The following CACNA1I variants were observed in gnomAD, a reference collection of about 807,000 sequenced individuals.
CACNA1I encodes the protein calcium voltage-gated channel subunit alpha1 I, also known as voltage-dependent T-type calcium channel subunit alpha-1I.
Under a neutral mutation model 201.6 loss-of-function variants are expected in CACNA1I, and 74 were observed. That is an observed-to-expected ratio of 0.37 (90% CI 0.30 to 0.45). CACNA1I has a LOEUF of 0.45. Ranked by LOEUF, CACNA1I falls within the 20% of genes least tolerant of loss-of-function variation. CACNA1I has a pLI of 1.00. For missense variants in CACNA1I, 2,346 were observed against 3,138.1 expected (o/e 0.75, Z 6.03); for synonymous variants, 1,431 against 1,345.2 (o/e 1.06, Z -1.40).
intron 29 of CACNA1I, among the ~76,000 whole-genome samples, chr22:39,675,904 C>T (rs572306650): frequency 3.3e-5 from 5 of 152,266 alleles, no homozygotes; most frequent in Admixed American, 3.3e-4. Flanking sequence ...TCCCTGGGGG[C>T]CAGGTCACAG....
chr22:39,624,204 G>A (rs140352722), intron 4 of CACNA1I, among the ~76,000 whole-genome samples: 99 of 152,142 alleles, frequency 6.5e-4, no homozygotes, highest in African/African-American at 2.3e-3. Flanking sequence ...CGCCTTGCAC[G>A]TGTGTGTGGG....
chr22:39,676,541 G>T lies in CACNA1I; in HGVS notation c.4855-800G>T, dbSNP rs1935518511. ...CTTATCCATAGCATGAGTTAAAGGT[G>T]GTCTCCAATGCATGGATAGATTTGA... On this transcript the variant is annotated intron_variant, in intron 29 of 36. Coordinates refer to ENST00000402142, the MANE Select transcript of CACNA1I (RefSeq NM_021096.4). This position sits in a 1 kb window ranked among gnomAD's most constrained non-coding sequence, Gnocchi z 4.8. Among the ~76,000 whole-genome samples, 1 of 152,198 alleles carries T rather than the reference G, an allele frequency of 6.6e-6. No homozygotes were observed. The highest frequency in any genetic ancestry group is 1.9e-4 in the East Asian group (1 of 5,196).
rs1156288604 is a variant in CACNA1I at position 39,676,247 on chromosome 22, G to A, written c.4855-1094G>A. On this transcript the variant is annotated intron_variant, in intron 29 of 36. Coordinates refer to ENST00000402142, the MANE Select transcript of CACNA1I (RefSeq NM_021096.4). The surrounding 1 kb of genome is among the most constrained non-coding windows in gnomAD (Gnocchi z 4.8). ...GCGACCACGCCAGATCCTTCTCAGC[G>A]GTCAGGGCCTTACAGTTGGCCTCAC... Among the ~76,000 whole-genome samples the A allele has an allele frequency of 3.3e-5, 5 of 152,346 alleles. No homozygotes were observed. The highest frequency in any genetic ancestry group is 3.9e-4 in the East Asian group (2 of 5,190).
chr22:39,665,390 G>T lies in CACNA1I; in HGVS notation c.3852-108G>T. 1 of 1,348,030 alleles carries T rather than the reference G, an allele frequency of 7.4e-7. No homozygotes were observed. The allele number at this position is 1,348,030 out of a possible 1,614,324, so 83.5% of individuals were successfully genotyped here. ...AGGGTGTTCAGCCCTGGTGAGCCCT[G>T]GGGACTCATGCCCTGGGATACTCAG... is the stretch of plus-strand genomic sequence containing the variant. On this transcript the variant is annotated intron_variant, in intron 21 of 36. Transcript: ENST00000402142. This position sits in a 1 kb window ranked among gnomAD's most constrained non-coding sequence, Gnocchi z 5.5.
chr22:39,684,304 C>T lies in CACNA1I; in HGVS notation c.5833C>T (p.Pro1945Ser), dbSNP rs760514353. ...TCTGTCTTCTCCTTTCCCAGCAGCA[C>T]CCCCAAGTCCCTTCTCCCCGGATGC... is the stretch of plus-strand genomic sequence containing the variant. ...SWLKHDSSQA[P>S]PSPFSPDASS... is the part of the protein sequence containing the mutation. The change falls in exon 36 of 37, where the codon CCC becomes TCC. Residue 1945 changes from proline (P) to serine (S), a missense_variant and splice_region_variant. Around this residue, in one of 13 missense-constraint regions of CACNA1I, gnomAD observed 441 missense variants for 555.6 expected, o/e 0.79. Coordinates refer to ENST00000402142, the MANE Select transcript of CACNA1I (RefSeq NM_021096.4). This position sits in a 1 kb window ranked among gnomAD's most constrained non-coding sequence, Gnocchi z 4.6. 2.5e-6 allele frequency: 4 copies of T among 1,613,226 alleles called. No homozygotes were observed. The highest frequency in any genetic ancestry group is 1.1e-5 in the South Asian group (1 of 90,922).
chr22:39,662,532 GGGGGCGTGGCC>G (rs987054062), intron 17 of CACNA1I, 97 bp downstream of exon 17: 97 of 974,258 alleles, frequency 1.0e-4, no homozygotes, highest in South Asian at 1.8e-4. Context: ...CGGGCCCACG[GGGGGCGTGGCC>G]GGGGCGTGGC....
chr22:39,591,450 C>T (rs1377250129), intron 1 of CACNA1I, among the ~76,000 whole-genome samples: 1 of 152,008 alleles, frequency 6.6e-6, no homozygotes, highest in Non-Finnish European at 1.5e-5. Flanking sequence ...ATGTGAGCCA[C>T]GGCACCCGGC....
chr22:39,674,298 G>C (rs1213817880), intron 29 of CACNA1I, among the ~76,000 whole-genome samples: 2 of 152,210 alleles, frequency 1.3e-5, no homozygotes, highest in East Asian at 3.8e-4. Flanking sequence ...GCCCTTGGTT[G>C]CCCCCAGGCT....
At chr22:39,598,038 G>A (rs1932929787) in intron 1 of CACNA1I, 113 bp from the exon 2 acceptor site, 1 of 664,412 alleles carries the variant, frequency 1.5e-6, no homozygotes, top group Non-Finnish European at 2.8e-6. Context: ...AGAAGAATGA[G>A]GAATGGGGTG....
chr22:39,655,130 G>T (rs552436247), intron 10 of CACNA1I, among the ~76,000 whole-genome samples: 20 of 152,178 alleles, frequency 1.3e-4, no homozygotes, highest in Non-Finnish European at 2.1e-4. Flanking sequence ...CTGTAAAATG[G>T]TGATAATACA....
Position 39,679,715 on chromosome 22 carries a change from C to T in CACNA1I, c.5395-7C>T, listed in dbSNP as rs771729075. 20 of 1,608,296 alleles carry T rather than the reference C, an allele frequency of 1.2e-5. No individual in the cohort carries two copies. The highest frequency in any genetic ancestry group is 4.0e-5 in the African/African-American group (3 of 74,826). Reference sequence around the variant, plus strand: ...CGCCTGTCCCCACCCCGTCCCCGTCCGCCTAGGAGAACCTGTGGCTGGACA... The same window carrying T: ...CGCCTGTCCCCACCCCGTCCCCGTCTGCCTAGGAGAACCTGTGGCTGGACA... On this transcript the variant is annotated splice_polypyrimidine_tract_variant and splice_region_variant and intron_variant, in intron 32 of 36. Transcript: ENST00000402142.
chr22:39,592,320 G>A (rs1387936591), intron 1 of CACNA1I, among the ~76,000 whole-genome samples: 5 of 152,212 alleles, frequency 3.3e-5, no homozygotes, highest in African/African-American at 4.8e-5. Context: ...GTGGGGAAAC[G>A]CGGAGGGTTT....
In CACNA1I at chr22:39,679,386, G is replaced by T. The variant is rs1337849960; in HGVS notation, c.5335G>T (p.Ala1779Ser). 8.0e-6 allele frequency: 12 copies of T among 1,498,648 alleles called. No homozygotes were observed. The highest frequency in any genetic ancestry group is 2.6e-5 in the East Asian group (1 of 38,926). The allele number at this position is 1,498,648 out of a possible 1,614,324, so 92.8% of individuals were successfully genotyped here. The change falls in exon 32 of 37, where the codon GCG becomes TCG. Residue 1779 changes from alanine to serine, a missense_variant. Physicochemically the swap from Ala to Ser is moderately conservative, Grantham distance 99 (BLOSUM62 1). Coordinates refer to ENST00000402142, the MANE Select transcript of CACNA1I (RefSeq NM_021096.4). ...CGCCCCTGGCCGAGGGCCGGGAGGG[G>T]CGGGCGGCGGGGGCGACACCGAGGG... ...PGAPGRGPGGAGGGGDTEGGL... is the reference protein window; with the variant it reads ...PGAPGRGPGGSGGGGDTEGGL...
At chr22:39,605,781 G>A (rs919526059) in intron 3 of CACNA1I, among the ~76,000 whole-genome samples, 2 of 152,060 alleles carry the variant, frequency 1.3e-5, no homozygotes, top group African/African-American at 4.8e-5. Context: ...TGGCCAGGCA[G>A]AGAGCTGGGG....
At chr22:39,619,452 C>G in intron 4 of CACNA1I, 45 bp downstream of exon 4, 2 of 1,443,950 alleles carry the variant, frequency 1.4e-6, no homozygotes, top group Non-Finnish European at 1.9e-6. Context: ...CTGATCCATC[C>G]CTGGCCAACC....
intron 3 of CACNA1I, among the ~76,000 whole-genome samples, chr22:39,608,878 A>T (rs747248466): frequency 6.6e-6 from 1 of 152,094 alleles, no homozygotes; most frequent in Non-Finnish European, 1.5e-5. Flanking sequence ...GGTCTCTGGA[A>T]TGCTGGGAAC....
At chr22:39,632,074 G>A (rs1177647099) in intron 4 of CACNA1I, among the ~76,000 whole-genome samples, 1 of 152,090 alleles carries the variant, frequency 6.6e-6, no homozygotes, top group Non-Finnish European at 1.5e-5. Flanking sequence ...AGGTTTGCAG[G>A]AGCCTTTTGG....
At chr22:39,639,075 T>A (rs1378599835) in intron 5 of CACNA1I, among the ~76,000 whole-genome samples, 2 of 152,244 alleles carry the variant, frequency 1.3e-5, no homozygotes, top group African/African-American at 2.4e-5. Context: ...TTGCGAATAC[T>A]TAATCCCATT....
chr22:39,635,009 C>T (rs202072182), intron 5 of CACNA1I, among the ~76,000 whole-genome samples: 6 of 152,074 alleles, frequency 3.9e-5, no homozygotes, highest in Non-Finnish European at 8.8e-5. Context: ...CCCATTTGGC[C>T]GCTTGTGTAT....
Sources: allele counts gnomAD v4.1 joint callset (sites outside exome capture counted in the v4.1 genomes callset), GRCh38; gene constraint gnomAD v4.1.1; regional missense constraint gnomAD v4.1.1; non-coding constraint Gnocchi (gnomAD v3.1); transcripts MANE v1.5; gene names NCBI Gene and HGNC (gene_info 2026-07-23, HGNC 2026-07-21).